NDOR1: variants seen among roughly 807,000 people sequenced by gnomAD.
NDOR1 encodes NADPH-dependent diflavin oxidoreductase 1.
A neutral mutation model predicts 67.2 loss-of-function variants in NDOR1; 61 were observed. The ratio of observed to expected loss-of-function variants is 0.91; its 90% CI spans 0.74 to 1.12. The LOEUF is 1.12. Ranked by LOEUF, NDOR1 falls within the 50% of genes most tolerant of loss-of-function variation. The pLI, the probability that NDOR1 is intolerant of heterozygous loss-of-function variation, is 0.00. For synonymous variants in NDOR1, 378 were observed against 343.7 expected (o/e 1.10, Z -1.10); for missense variants, 878 against 802.8 (o/e 1.09, Z -1.13).
In NDOR1 at chr9:137,214,019, G is replaced by T; in HGVS notation, c.463G>T (p.Gly155Trp). The part of the protein sequence containing the change: ...WLRDLWDRVL[G>W]LYPPPPGLTE... ...GCGAGACTTGTGGGACAGGGTTCTG[G>T]GGCTGTACCCGCCGCCTCCGGGCCT... Residue 155 changes from glycine (G) to tryptophan (W), a missense_variant, in exon 5 of 14, where the codon GGG (glycine) becomes TGG (tryptophan). Physicochemically the swap from Gly to Trp is radical, Grantham distance 184. Coordinates refer to ENST00000684003, the MANE Select transcript of NDOR1 (RefSeq NM_014434.4). The T allele has an allele frequency of 1.3e-6, 2 of 1,549,926 alleles. No individual in the cohort carries two copies. Among genetic ancestry groups the T allele is most frequent in the East Asian group, 2.4e-5 (1 of 41,550 alleles).
chr9:137,215,352 A>G lies in NDOR1; in HGVS notation c.1174-55A>G, dbSNP rs1588814035. 10 of 1,582,534 alleles carry G rather than the reference A, an allele frequency of 6.3e-6. No individual in the cohort carries two copies. In the East Asian group the frequency reaches 2.0e-4, roughly 32 times the overall value. ...GGGAGGTAGGTGGGGCCCACGGCCC[A>G]GGCACAGGTGAGGGCAGCCTTGTTC... On this transcript the variant is annotated intron_variant, in intron 9 of 13. Transcript: ENST00000684003.
intron 2 of NDOR1, among the ~76,000 whole-genome samples, chr9:137,206,746 C>T (rs1380354919): frequency 6.6e-6 from 1 of 152,142 alleles, no homozygotes; most frequent in Non-Finnish European, 1.5e-5. Context: ...AGCTAACGGG[C>T]AATGACAGTG....
intron 5 of NDOR1, 61 bp downstream of exon 5, chr9:137,214,129 G>T: frequency 1.3e-6 from 2 of 1,532,176 alleles, no homozygotes; most frequent in South Asian, 1.2e-5. Context: ...TGGGGACCTC[G>T]CCCTGGGTCC....
chr9:137,215,609 ACT>A, intron 10 of NDOR1, 48 bp from the exon 11 acceptor site: 1 of 1,600,758 alleles, frequency 6.2e-7, no homozygotes, highest in Non-Finnish European at 8.5e-7. Flanking sequence ...GCCCCAGCAG[ACT>A]CAGCACAGGT....
chr9:137,205,736 T>A lies in NDOR1; in HGVS notation c.-42T>A. On this transcript the variant is annotated 5_prime_UTR_variant, in exon 1 of 14. Transcript: ENST00000684003. ...TGCAACCCGGCCGGCGGGAACTGCC[T>A]TCTAGTTTTTAGTCTCAGACCAGAC... 6.3e-7 allele frequency: 1 copy of A among 1,599,182 alleles called. No homozygotes were observed.
At chr9:137,209,454 A>G (rs747333966) in intron 2 of NDOR1, among the ~76,000 whole-genome samples, 1 of 152,142 alleles carries the variant, frequency 6.6e-6, no homozygotes, top group Non-Finnish European at 1.5e-5. Flanking sequence ...GCTGGTGCTA[A>G]TGCCGGGATT....
rs1835697010 is a variant in NDOR1 at position 137,217,764 on chromosome 9, T to C, written c.*1348T>C. On this transcript the variant is annotated 3_prime_UTR_variant, in exon 14 of 14. Coordinates refer to ENST00000684003, the MANE Select transcript of NDOR1 (RefSeq NM_014434.4). ...GCCCCTGTCGCCGCCCTGGGGTCCC[T>C]GTCCTCCTATCCTGACTCCTGCCCC... The C allele has an allele frequency of 1.5e-5, 6 of 388,482 alleles. No individual in the cohort carries two copies. Among genetic ancestry groups the C allele is most frequent in the Non-Finnish European group, 2.7e-5 (6 of 220,906 alleles). The allele number at this position is 388,482 out of a possible 1,614,324, so 24.1% of individuals were successfully genotyped here. A position where few individuals can be genotyped will look rare whatever the true frequency, so the allele number is the denominator to read the frequency against.
chr9:137,216,144 G>T lies in NDOR1; in HGVS notation c.1605G>T (p.Val535=). 1.2e-6 allele frequency: 2 copies of T among 1,613,618 alleles called. No homozygotes were observed. Among genetic ancestry groups the T allele is most frequent in the Non-Finnish European group, 1.7e-6 (2 of 1,180,032 alleles). Reference sequence around the variant, plus strand: ...GGCTCCGGGAGCTGGGGTCGCTTGTGTGGGAACTGCTGGACCGCCAGGGTG... The same window carrying T: ...GGCTCCGGGAGCTGGGGTCGCTTGTTTGGGAACTGCTGGACCGCCAGGGTG... ...QHRLRELGSL[V]WELLDRQGAY... is the part of the protein sequence containing the mutation. Residue 535 remains valine (V), a synonymous_variant, in exon 13 of 14, where the codon GTG becomes GTT. Coordinates refer to ENST00000684003, the MANE Select transcript of NDOR1 (RefSeq NM_014434.4).
Position 137,214,321 on chromosome 9 carries a change from A to G in NDOR1, c.630A>G (p.Leu210=), listed in dbSNP as rs1429256012. 6.2e-7 allele frequency: 1 copy of G among 1,614,074 alleles called. No homozygotes were observed. The highest frequency in any genetic ancestry group is 1.1e-5 in the South Asian group (1 of 91,082). The change falls in exon 6 of 14, where the codon CTA becomes CTG. Residue 210 remains leucine, a synonymous_variant. Coordinates refer to ENST00000684003, the MANE Select transcript of NDOR1 (RefSeq NM_014434.4). ...QEPPSESKPF[L]APMISNQRVT... ...CCCCGTCAGAGTCGAAGCCCTTCCT[A>G]GCACCCATGATCTCCAACCAGAGAG...
intron 11 of NDOR1, 34 bp downstream of exon 11, chr9:137,215,839 C>G (rs745406083): frequency 5.6e-6 from 9 of 1,607,012 alleles, no homozygotes; most frequent in Non-Finnish European, 7.7e-6. Flanking sequence ...AGGGTTGTTG[C>G]CAGGGCTCCC....
rs577260785 is a variant in NDOR1 at position 137,215,398 on chromosome 9, C to T, written c.1174-9C>T. The T allele has an allele frequency of 6.1e-5, 95 of 1,567,466 alleles. 3 individuals are homozygous for T. The South Asian group carries it at 1.0e-3, about 17-fold the overall frequency. On this transcript the variant is annotated splice_polypyrimidine_tract_variant and intron_variant, in intron 9 of 13. Transcript: ENST00000684003. ...TGTTCCACCACCCCCACCCCGCCGTCCTCCCCAGACTCACCCCTCACGGCT... is the reference window on the plus strand; with the variant it reads ...TGTTCCACCACCCCCACCCCGCCGTTCTCCCCAGACTCACCCCTCACGGCT...
Position 137,214,038 on chromosome 9 carries a change from CG to C in NDOR1, c.485del (p.Gly162AlafsTer33). The C allele has an allele frequency of 1.3e-6, 2 of 1,545,174 alleles. No homozygotes were observed. Among genetic ancestry groups the C allele is most frequent in the Non-Finnish European group, 8.7e-7 (1 of 1,148,088 alleles). The part of the protein sequence containing the change: ...DRVLGLYPPP[P>X]GLTEIPPGVP... ...GTTCTGGGGCTGTACCCGCCGCCTCCGGGCCTCACTGAGATCCCTCCCGGAG... is the reference window on the plus strand; with the variant it reads ...GTTCTGGGGCTGTACCCGCCGCCTCCGGCCTCACTGAGATCCCTCCCGGAG... On this transcript the variant is annotated frameshift_variant, in exon 5 of 14. Coordinates refer to ENST00000684003, the MANE Select transcript of NDOR1 (RefSeq NM_014434.4). LOFTEE classifies it high-confidence loss of function.
chr9:137,214,601 C>T lies in NDOR1; in HGVS notation c.754C>T (p.Pro252Ser). Residue 252 changes from proline (P) to serine (S), a missense_variant, in exon 7 of 14, where the codon CCC becomes TCC. Pro to Ser is a moderately conservative substitution (Grantham distance 74). Coordinates refer to ENST00000684003, the MANE Select transcript of NDOR1 (RefSeq NM_014434.4). ...FAAGDVVLIQ[P>S]SNSAAHVQRF... ...TGCTGGTGATGTGGTGCTGATTCAG[C>T]CCTCCAACTCGGCTGCCCATGTCCA... The T allele has an allele frequency of 6.2e-7, 1 of 1,611,156 alleles. No homozygotes were observed.
rs373075667 is a variant in NDOR1 at position 137,217,184 on chromosome 9, C to T, written c.*768C>T. Among the ~76,000 whole-genome samples the T allele has an allele frequency of 3.5e-4, 54 of 152,170 alleles. 1 individual carries two copies. Among genetic ancestry groups the T allele is most frequent in the South Asian group, 2.1e-3 (10 of 4,830 alleles). On this transcript the variant is annotated 3_prime_UTR_variant, in exon 14 of 14. Coordinates refer to ENST00000684003, the MANE Select transcript of NDOR1 (RefSeq NM_014434.4). ...GGGTGCTGGGTGCTGGATGGGTGGG[C>T]GCCACGGTGCACCCTTGTTGGGCTG...
chr9:137,206,173 G>A (rs538921704), intron 1 of NDOR1, 59 bp from the exon 2 acceptor site: 4 of 1,599,656 alleles, frequency 2.5e-6, no homozygotes, highest in Non-Finnish European at 3.4e-6. Context: ...GTCAAGTTTT[G>A]GGAAGGACGC....
At chr9:137,214,099 G>A (rs368522532) in intron 5 of NDOR1, 31 bp downstream of exon 5, 9 of 1,530,772 alleles carry the variant, frequency 5.9e-6, no homozygotes, top group African/African-American at 2.7e-5. Flanking sequence ...ACCCACAGGC[G>A]CAGCAGACCC....
chr9:137,214,520 G>C (rs764213624), intron 6 of NDOR1, 50 bp from the exon 7 acceptor site: 2 of 1,609,042 alleles, frequency 1.2e-6, no homozygotes. Context: ...CCGGGGCCCC[G>C]ACATCCTCCC....
Position 137,214,648 on chromosome 9 carries a change from C to T in NDOR1, c.801C>T (p.Gly267=), listed in dbSNP as rs1249465250. 5.6e-6 allele frequency: 9 copies of T among 1,607,906 alleles called. No individual in the cohort carries two copies. Among genetic ancestry groups the T allele is most frequent in the Non-Finnish European group, 6.8e-6 (8 of 1,179,930 alleles). The part of the protein sequence containing the change: ...AHVQRFCQVL[G]LDPDQLFMLQ... ...TCCAGCGGTTCTGCCAGGTGCTGGGCCTGGACCCTGACCAGCTCTTCATGC... is the reference window on the plus strand; with the variant it reads ...TCCAGCGGTTCTGCCAGGTGCTGGGTCTGGACCCTGACCAGCTCTTCATGC... The change falls in exon 7 of 14, where the codon GGC becomes GGT. Residue 267 remains glycine (G), a synonymous_variant. Transcript: ENST00000684003.
chr9:137,213,958 C>T lies in NDOR1; in HGVS notation c.411-9C>T. ...GTCCGCTCAGGCCAGCGCACGTGCT[C>T]CCTCCCAGGCCCGACGCTGCTGTGG... On this transcript the variant is annotated splice_polypyrimidine_tract_variant and intron_variant, in intron 4 of 13. Coordinates refer to ENST00000684003, the MANE Select transcript of NDOR1 (RefSeq NM_014434.4). 2 of 1,564,708 alleles carry T rather than the reference C, an allele frequency of 1.3e-6. No individual in the cohort carries two copies. The highest frequency in any genetic ancestry group is 1.7e-6 in the Non-Finnish European group (2 of 1,156,004).
Sources: gnomAD v4.1 joint callset for allele counts (sites outside exome capture counted in the v4.1 genomes callset) on GRCh38, gnomAD v4.1.1 for gene constraint, MANE v1.5 for transcripts, NCBI Gene and HGNC (gene_info 2026-07-23, HGNC 2026-07-21) for gene names.